RANBP2: variants seen among roughly 807,000 people sequenced by gnomAD.
RANBP2 encodes RAN binding protein 2.
Under a neutral mutation model 303.6 loss-of-function variants are expected in RANBP2, and 57 were observed. The ratio of observed to expected loss-of-function variants is 0.19; its 90% confidence interval spans 0.15 to 0.23. RANBP2 has a LOEUF of 0.23. RANBP2 is among the 10% of genes least tolerant of loss of function. RANBP2 has a pLI of 1.00. For missense variants in RANBP2, 3,138 were observed against 3,780.8 expected (o/e 0.83, Z 4.46); for synonymous variants, 1,167 against 1,301.5 (o/e 0.90, Z 2.23).
the RANBP2 span, among the ~76,000 whole-genome samples, chr2:108,983,016 T>C: frequency 2.0e-5 from 3 of 152,198 alleles, no homozygotes; most frequent in Non-Finnish European, 4.4e-5. Context: ...GGAGATTTTA[T>C]TGCCCATAAA....
chr2:109,235,309 C>A, the RANBP2 span, among the ~76,000 whole-genome samples: 1,357 of 152,290 alleles, frequency 8.9e-3, 17 homozygotes, highest in African/African-American at 0.031. Context: ...CTCCCCTCCC[C>A]CTTCCTACCT....
At chr2:109,283,569 T>C in the RANBP2 span, among the ~76,000 whole-genome samples, 1 of 151,872 alleles carries the variant, frequency 6.6e-6, no homozygotes, top group East Asian at 1.9e-4. Context: ...GTGAGCAGGA[T>C]GGGGGCACAC....
the RANBP2 span, among the ~76,000 whole-genome samples, chr2:108,965,639 G>A: frequency 6.6e-6 from 1 of 151,964 alleles, no homozygotes; most frequent in African/African-American, 2.4e-5. Flanking sequence ...GTGTCTGTAT[G>A]CCTCCTTCCT....
At chr2:109,551,068 A>T in the RANBP2 span, among the ~76,000 whole-genome samples, 1 of 152,270 alleles carries the variant, frequency 6.6e-6, no homozygotes, top group South Asian at 2.1e-4. Flanking sequence ...CATATGCAAC[A>T]TGCCTCATGA....
the RANBP2 span, among the ~76,000 whole-genome samples, chr2:108,935,079 G>C: frequency 5.3e-5 from 8 of 152,190 alleles, no homozygotes; most frequent in African/African-American, 1.9e-4. Flanking sequence ...ATAAGAGACC[G>C]CATGACCAGG....
At chr2:109,188,363 T>C in the RANBP2 span, among the ~76,000 whole-genome samples, 1 of 152,182 alleles carries the variant, frequency 6.6e-6, no homozygotes, top group East Asian at 1.9e-4. Flanking sequence ...CTCACAGTGA[T>C]CACCACCTCC....
chr2:109,422,120 A>C, the RANBP2 span, among the ~76,000 whole-genome samples: 2 of 152,192 alleles, frequency 1.3e-5, no homozygotes, highest in African/African-American at 4.8e-5. Flanking sequence ...CATTCTTCCC[A>C]AAATAGCCTC....
At chr2:108,933,907 G>C in the RANBP2 span, among the ~76,000 whole-genome samples, 1 of 152,066 alleles carries the variant, frequency 6.6e-6, no homozygotes, top group East Asian at 1.9e-4. Context: ...AGGATGGTGG[G>C]GTTAGCAGAG....
the RANBP2 span, among the ~76,000 whole-genome samples, chr2:109,646,657 A>ATTTTTTTTTTTTTTTTTT: frequency 8.4e-6 from 1 of 119,016 alleles, no homozygotes; most frequent in African/African-American, 3.2e-5. Context: ...ATGACTGGCT[A>ATTTTTTTTTTTTTTTTTT]TTTTTTTTTT....
chr2:109,258,053 C>CTT, the RANBP2 span, among the ~76,000 whole-genome samples: 1 of 152,188 alleles, frequency 6.6e-6, no homozygotes, highest in African/African-American at 2.4e-5. Context: ...TGCTGACCCT[C>CTT]ACAGCCCTGC....
At chr2:108,799,279 A>C in the RANBP2 span, among the ~76,000 whole-genome samples, 1 of 152,300 alleles carries the variant, frequency 6.6e-6, no homozygotes, top group South Asian at 2.1e-4. Flanking sequence ...GGTATAATAT[A>C]CCTTGCTTCA....
chr2:108,814,624 G>C, the RANBP2 span, among the ~76,000 whole-genome samples: 15 of 149,696 alleles, frequency 1.0e-4, no homozygotes, highest in African/African-American at 3.7e-4. Flanking sequence ...ATATTTCTCT[G>C]TCTTTGAATT....
chr2:109,437,175 G>A, the RANBP2 span: 11 of 1,583,998 alleles, frequency 6.9e-6, no homozygotes, highest in Non-Finnish European at 9.5e-6. Flanking sequence ...CACCCTGCAG[G>A]GCATCAACAA....
chr2:109,001,168 A>AAAAGTAAAGT, the RANBP2 span, among the ~76,000 whole-genome samples: 1 of 152,286 alleles, frequency 6.6e-6, no homozygotes, highest in East Asian at 1.9e-4. Flanking sequence ...CTGCGGGTGT[A>AAAAGTAAAGT]AAAGTAAAGG....
chr2:108,734,990 G>A (rs1442901382), intron 4 of RANBP2, among the ~76,000 whole-genome samples: 1 of 152,126 alleles, frequency 6.6e-6, no homozygotes, highest in Non-Finnish European at 1.5e-5. Flanking sequence ...GAAGTGAGTG[G>A]CCACAAACCC....
At chr2:108,987,057 T>G in the RANBP2 span, among the ~76,000 whole-genome samples, 1 of 151,478 alleles carries the variant, frequency 6.6e-6, no homozygotes, top group South Asian at 2.1e-4. Context: ...AGGAGGAGGG[T>G]GAGGGGAAAC....
At chr2:109,668,550 A>C in the RANBP2 span, among the ~76,000 whole-genome samples, 1 of 152,230 alleles carries the variant, frequency 6.6e-6, no homozygotes, top group African/African-American at 2.4e-5. Flanking sequence ...TACCAGAGAA[A>C]GTGGGACTCT....
At chr2:108,738,669 C>T (rs1695825655) in intron 6 of RANBP2, among the ~76,000 whole-genome samples, 1 of 140,444 alleles carries the variant, frequency 7.1e-6, no homozygotes, top group Middle Eastern at 4.6e-3. Flanking sequence ...GCTCTTGTTG[C>T]CCAGGCTAGA....
chr2:109,520,365 G>A, the RANBP2 span, among the ~76,000 whole-genome samples: 4,244 of 152,156 alleles, frequency 0.028, 218 homozygotes, highest in African/African-American at 0.097. Flanking sequence ...CACTTTGGGA[G>A]GCTGAGACAG....
Sources: gnomAD v4.1 joint callset for allele counts (sites outside exome capture counted in the v4.1 genomes callset) on GRCh38, gnomAD v4.1.1 for gene constraint, MANE v1.5 for transcripts, NCBI Gene and HGNC (gene_info 2026-07-23, HGNC 2026-07-21) for gene names.